RNF38: variants seen among roughly 807,000 people sequenced by gnomAD.
RNF38 encodes the protein ring finger protein 38, also known as E3 ubiquitin-protein ligase RNF38.
A neutral mutation model predicts 67.2 loss-of-function variants in RNF38; 15 were observed. That is an observed-to-expected ratio of 0.22 (90% CI 0.15 to 0.34). The LOEUF (loss-of-function observed/expected upper bound fraction) is 0.34, where lower values mean the gene tolerates loss of function less well. Among genes scored for constraint, RNF38 ranks in the 10% least tolerant of loss-of-function variants. The pLI, the probability that RNF38 is intolerant of heterozygous loss-of-function variation, is 1.00. For synonymous variants in RNF38, 220 were observed against 218.8 expected, an observed-to-expected ratio of 1.01 and a Z score of -0.05; for missense variants, 524 against 639.9, an observed-to-expected ratio of 0.82 and a Z score of 1.95.
chr9:36,399,053 A>AT (rs752358621), intron 1 of RNF38, among the ~76,000 whole-genome samples: 1 of 152,232 alleles, frequency 6.6e-6, no homozygotes, highest in Non-Finnish European at 1.5e-5. Context: ...TACACTCTAC[A>AT]TTATGATGCT....
At chr9:36,433,238 A>C (rs1384909137) in intron 1 of RNF38, among the ~76,000 whole-genome samples, 1 of 151,968 alleles carries the variant, frequency 6.6e-6, no homozygotes, top group Non-Finnish European at 1.5e-5. Context: ...TATAGTCAAC[A>C]TAAGTTTAAT....
chr9:36,404,156 TC>T (rs1391597960), upstream of RNF38, among the ~76,000 whole-genome samples: 4 of 152,246 alleles, frequency 2.6e-5, no homozygotes. Context: ...TCAAGTGCCC[TC>T]TTCCCCATAC....
chr9:36,406,888 G>A (rs754012959), intron 2 of RNF38, among the ~76,000 whole-genome samples: 12 of 152,154 alleles, frequency 7.9e-5, no homozygotes, highest in Admixed American at 3.3e-4. Flanking sequence ...TGGGCCGGGC[G>A]CGGTGGCTCA....
At chr9:36,350,149 C>G (rs1833590196) in intron 9 of RNF38, among the ~76,000 whole-genome samples, 1 of 152,170 alleles carries the variant, frequency 6.6e-6, no homozygotes, top group East Asian at 1.9e-4. Context: ...GGCTATCCTT[C>G]CCCCATTGTG....
chr9:36,484,033 T>C (rs73648760), intron 1 of RNF38, among the ~76,000 whole-genome samples: 1 of 151,694 alleles, frequency 6.6e-6, no homozygotes, highest in Non-Finnish European at 1.5e-5. Context: ...CATCCAGGAG[T>C]GGGAACAGAG....
At chr9:36,460,885 CAAAAAAAAAA>C (rs752827635) in intron 1 of RNF38, among the ~76,000 whole-genome samples, 10 of 52,960 alleles carry the variant, frequency 1.9e-4, no homozygotes, top group South Asian at 7.5e-4. Context: ...GAAACTCTCT[CAAAAAAAAAA>C]AAAAAAAAAA....
intron 11 of RNF38, among the ~76,000 whole-genome samples, chr9:36,341,867 A>ATATATATAT (rs1832874387): frequency 3.9e-4 from 1 of 2,552 alleles, no homozygotes. Flanking sequence ...TATATATATA[A>ATATATATAT]AGAAGCCCCT....
intron 1 of RNF38, among the ~76,000 whole-genome samples, chr9:36,482,835 G>GTAAA (rs1170387297): frequency 2.0e-5 from 3 of 152,134 alleles, no homozygotes; most frequent in African/African-American, 7.2e-5. Flanking sequence ...AGACCTCATG[G>GTAAA]TAAAGCCCAC....
chr9:36,399,665 T>C (rs1216488822), intron 1 of RNF38, among the ~76,000 whole-genome samples: 1 of 152,032 alleles, frequency 6.6e-6, no homozygotes, highest in Non-Finnish European at 1.5e-5. Context: ...GACATCTATA[T>C]GTATGTGGTT....
At chr9:36,360,089 G>A (rs1834413682) in intron 4 of RNF38, among the ~76,000 whole-genome samples, 1 of 151,850 alleles carries the variant, frequency 6.6e-6, no homozygotes, top group African/African-American at 2.4e-5. Flanking sequence ...CCATTACGTT[G>A]AATATCACGG....
chr9:36,428,798 G>A (rs1158434876), intron 1 of RNF38, among the ~76,000 whole-genome samples: 2 of 152,102 alleles, frequency 1.3e-5, no homozygotes, highest in African/African-American at 4.8e-5. Context: ...ACAGCCCTGA[G>A]CATTTACTGA....
At chr9:36,463,416 T>C (rs907912702) in intron 1 of RNF38, among the ~76,000 whole-genome samples, 2 of 152,194 alleles carry the variant, frequency 1.3e-5, no homozygotes, top group African/African-American at 4.8e-5. Flanking sequence ...AAAGTCTCAT[T>C]TCTGGATCCA....
chr9:36,410,898 T>C (rs12378152), intron 2 of RNF38, among the ~76,000 whole-genome samples: 28,405 of 152,016 alleles, frequency 0.19, 3,226 homozygotes, highest in Non-Finnish European at 0.26. Flanking sequence ...GGAGTTATTG[T>C]TTAATGGGTA....
Position 36,467,232 on chromosome 9 carries a change from A to AATATAT in RNF38, n.241+20070_241+20075dup, listed in dbSNP as rs201500514. ...ATTGCTATTACATATATATATATAT[A>AATATAT]ATATATATATATACACACACACACA... is the stretch of plus-strand genomic sequence containing the variant. On this transcript the variant is annotated intron_variant and non_coding_transcript_variant, in intron 1 of 3. Transcript: ENST00000488058. Among the ~76,000 whole-genome samples the AATATAT allele has an allele frequency of 5.6e-3, 508 of 91,122 alleles. 9 individuals are homozygous for AATATAT. The highest frequency in any genetic ancestry group is 0.02 in the African/African-American group (479 of 24,422). The allele number at this position is 91,122 out of a possible 152,430, so 59.8% of individuals were successfully genotyped here.
intron 1 of RNF38, among the ~76,000 whole-genome samples, chr9:36,434,883 G>A (rs922296064): frequency 6.6e-6 from 1 of 152,152 alleles, no homozygotes; most frequent in Admixed American, 6.6e-5. Flanking sequence ...ATAGTGCCTG[G>A]CACATAGCAG....
chr9:36,344,725 T>C (rs1437453392), intron 10 of RNF38, 107 bp downstream of exon 10: 1 of 1,105,232 alleles, frequency 9.0e-7, no homozygotes, highest in Non-Finnish European at 1.3e-6. Flanking sequence ...GCATTTTCTT[T>C]CAATTTTTTA....
Position 36,339,433 on chromosome 9 carries a change from C to A in RNF38, c.*319G>T. ...CTACCACTTTTTATAAAAGCACATG[C>A]TAAAAGATCACGTCCACTGTAATCT... On this transcript the variant is annotated 3_prime_UTR_variant, in exon 12 of 12. Transcript: ENST00000259605. 1 of 308,548 alleles carries A rather than the reference C, an allele frequency of 3.2e-6. No individual in the cohort carries two copies. The allele number at this position is 308,548 out of a possible 1,614,324, so 19.1% of individuals were successfully genotyped here.
chr9:36,462,040 G>C (rs1331896564), intron 1 of RNF38, among the ~76,000 whole-genome samples: 1 of 152,130 alleles, frequency 6.6e-6, no homozygotes, highest in Non-Finnish European at 1.5e-5. Context: ...AAAGGTAAGA[G>C]GAAAACAAGG....
chr9:36,363,664 A>G lies in RNF38; in HGVS notation c.571-5722T>C, dbSNP rs774384643. Among the ~76,000 whole-genome samples, 14 of 100,090 alleles carry G rather than the reference A, an allele frequency of 1.4e-4. 6 individuals are homozygous for G. Among genetic ancestry groups the G allele is most frequent in the Non-Finnish European group, 2.6e-4 (10 of 38,686 alleles). 65.7% of individuals were successfully genotyped at this position (100,090 alleles called of 152,430 possible). A position where few individuals can be genotyped will look rare whatever the true frequency, so the allele number is the denominator to read the frequency against. On this transcript the variant is annotated intron_variant, in intron 4 of 11. Coordinates refer to ENST00000259605, the MANE Select transcript of RNF38 (RefSeq NM_022781.5). ...TAGGTGATTTCATTGTTGTACTAAC[A>G]TCATAGAGTGTACTTATACAAACCA...
Sources: allele counts gnomAD v4.1 joint callset (sites outside exome capture counted in the v4.1 genomes callset), GRCh38; gene constraint gnomAD v4.1.1; transcripts MANE v1.5; gene names NCBI Gene and HGNC (gene_info 2026-07-23, HGNC 2026-07-21).